The following PAM variants were observed in gnomAD, a reference collection of about 807,000 sequenced individuals.
PAM encodes peptidylglycine alpha-amidating monooxygenase.
A neutral mutation model predicts 122.1 loss-of-function variants in PAM; 72 were observed. The observed-to-expected ratio is 0.59, with a 90% CI of 0.49 to 0.72. The LOEUF (loss-of-function observed/expected upper bound fraction) is 0.72, where lower values mean the gene tolerates loss of function less well. PAM is among the 30% of genes least tolerant of loss of function. The pLI, the probability that PAM is intolerant of heterozygous loss-of-function variation, is 0.00. For synonymous variants in PAM, 389 were observed against 404.4 expected, an observed-to-expected ratio of 0.96 and a Z score of 0.46; for missense variants, 1,106 against 1,183.7, an observed-to-expected ratio of 0.93 and a Z score of 0.96.
chr5:102,847,213 G>T (rs1274323794), intron 1 of PAM, among the ~76,000 whole-genome samples: 1 of 152,088 alleles, frequency 6.6e-6, no homozygotes, highest in African/African-American at 2.4e-5. Flanking sequence ...CCCTTCTGCT[G>T]GAATCACCTG....
chr5:102,858,419 C>A (rs1327499867), intron 1 of PAM, among the ~76,000 whole-genome samples: 1 of 152,090 alleles, frequency 6.6e-6, no homozygotes, highest in East Asian at 1.9e-4. Context: ...GCCAAGGGTG[C>A]CGCTGAACAC....
rs190878033 is a variant in PAM at position 102,821,201 on chromosome 5, C to T, written c.-373-44622C>T. ...GGAAGGGAGAAAGAAGAGTTTTAAC[C>T]TTCTTTAAGAGAAGTTTTAGCTTAT... On this transcript the variant is annotated intron_variant, in intron 1 of 25. Transcript: ENST00000438793. Among the ~76,000 whole-genome samples, 8 of 152,226 alleles carry T rather than the reference C, an allele frequency of 5.3e-5. No individual in the cohort carries two copies. The East Asian group carries it at 1.5e-3, about 29-fold the overall frequency.
At chr5:102,788,812 T>C (rs1761272610) in intron 1 of PAM, among the ~76,000 whole-genome samples, 3 of 152,144 alleles carry the variant, frequency 2.0e-5, no homozygotes, top group South Asian at 4.1e-4. Context: ...GTAACTACTA[T>C]TTTAATAACA....
intron 1 of PAM, among the ~76,000 whole-genome samples, chr5:102,825,037 T>TA (rs1773168713): frequency 6.6e-6 from 1 of 152,308 alleles, no homozygotes; most frequent in Admixed American, 6.5e-5. Flanking sequence ...ACTGAATAGC[T>TA]AATGCGAAAG....
chr5:102,963,142 T>C (rs1763000683), intron 14 of PAM, among the ~76,000 whole-genome samples: 1 of 151,842 alleles, frequency 6.6e-6, no homozygotes, highest in African/African-American at 2.4e-5. Flanking sequence ...CCAAAAGCCA[T>C]TTCAATGGCT....
In PAM at chr5:103,019,860, T is replaced by A; in HGVS notation, c.2485+17T>A. On this transcript the variant is annotated intron_variant, in intron 23 of 25. Coordinates refer to ENST00000438793, the MANE Select transcript of PAM (RefSeq NM_001177306.2). ...AAATCAAAGGTTGGTCAGATTCCTC[T>A]TATTACTATAAAACCAAAGTCTGGC... 1.3e-6 allele frequency: 2 copies of A among 1,545,378 alleles called. No homozygotes were observed. The highest frequency in any genetic ancestry group is 1.8e-6 in the Non-Finnish European group (2 of 1,117,552).
chr5:102,819,958 T>A (rs1469930760), intron 1 of PAM, among the ~76,000 whole-genome samples: 1 of 152,198 alleles, frequency 6.6e-6, no homozygotes, highest in Non-Finnish European at 1.5e-5. Flanking sequence ...AATTTCCCCA[T>A]CATCGCATGA....
chr5:102,795,555 C>G (rs751313126), intron 1 of PAM, among the ~76,000 whole-genome samples: 2 of 152,146 alleles, frequency 1.3e-5, no homozygotes, highest in Non-Finnish European at 2.9e-5. Context: ...TGTTTATTAA[C>G]TAAATGACTT....
chr5:102,873,474 C>G (rs1353899893), intron 3 of PAM: 1 of 152,402 alleles, frequency 6.6e-6, no homozygotes, highest in East Asian at 1.9e-4. Flanking sequence ...CTCCAGGAGC[C>G]CCATGGATTT....
chr5:102,830,655 T>G (rs1775164133), intron 1 of PAM, among the ~76,000 whole-genome samples: 1 of 152,210 alleles, frequency 6.6e-6, no homozygotes, highest in Non-Finnish European at 1.5e-5. Context: ...AAGGAGCATT[T>G]AAATCATTTT....
chr5:102,800,753 TAGAC>T (rs1330057126), intron 1 of PAM, among the ~76,000 whole-genome samples: 1 of 152,206 alleles, frequency 6.6e-6, no homozygotes, highest in African/African-American at 2.4e-5. Context: ...GGTCTGGACA[TAGAC>T]AGACAAGAGC....
At chr5:102,937,260 A>G (rs949494894) in intron 7 of PAM, among the ~76,000 whole-genome samples, 1 of 152,152 alleles carries the variant, frequency 6.6e-6, no homozygotes, top group Non-Finnish European at 1.5e-5. Context: ...CTTTTTGAAG[A>G]ATGGGCCAAA....
chr5:102,795,760 C>T (rs1303940653), intron 1 of PAM, among the ~76,000 whole-genome samples: 1 of 152,132 alleles, frequency 6.6e-6, no homozygotes, highest in Non-Finnish European at 1.5e-5. Flanking sequence ...ATAATTTGGT[C>T]TTCAGCCATA....
chr5:102,867,569 A>C (rs1051964660), intron 3 of PAM, among the ~76,000 whole-genome samples, 176 bp downstream of exon 3: 2 of 152,260 alleles, frequency 1.3e-5, no homozygotes, highest in Non-Finnish European at 2.9e-5. Flanking sequence ...TTTCAAGGTG[A>C]ATCTTTCACT....
chr5:102,884,450 C>T (rs1358330505), intron 3 of PAM, among the ~76,000 whole-genome samples: 1 of 151,760 alleles, frequency 6.6e-6, no homozygotes, highest in Non-Finnish European at 1.5e-5. Flanking sequence ...AAATTTGGTA[C>T]ACATTTGGAA....
At chr5:102,944,449 A>G (rs1321952062) in intron 7 of PAM, among the ~76,000 whole-genome samples, 2 of 152,210 alleles carry the variant, frequency 1.3e-5, no homozygotes, top group Non-Finnish European at 2.9e-5. Context: ...AAACTAAAAT[A>G]AGAATAAATG....
intron 16 of PAM, among the ~76,000 whole-genome samples, chr5:102,995,479 G>A (rs1195777720): frequency 3.3e-5 from 5 of 152,078 alleles, no homozygotes; most frequent in Non-Finnish European, 7.4e-5. Flanking sequence ...TTGAAGATAG[G>A]AGGCCTGGAT....
upstream of PAM, chr5:102,755,072 C>G (rs1561351124): frequency 6.6e-6 from 1 of 152,438 alleles, no homozygotes; most frequent in Non-Finnish European, 1.5e-5. Flanking sequence ...AGAGGCAGGG[C>G]GGAGCAGAGG....
intron 14 of PAM, among the ~76,000 whole-genome samples, chr5:102,969,741 CA>C (rs1765256710): frequency 1.3e-5 from 2 of 152,242 alleles, no homozygotes; most frequent in African/African-American, 4.8e-5. Context: ...TCAAATGAGA[CA>C]GACAGACATC....
Sources: allele counts gnomAD v4.1 joint callset (sites outside exome capture counted in the v4.1 genomes callset), GRCh38; gene constraint gnomAD v4.1.1; transcripts MANE v1.5; gene names NCBI Gene and HGNC (gene_info 2026-07-23, HGNC 2026-07-21).